The following WARS2 variants were observed in gnomAD, a reference collection of about 807,000 sequenced individuals.
WARS2 encodes the protein tryptophan--tRNA ligase, mitochondrial.
WARS2 carries 28 observed loss-of-function variants against 36.5 expected under a neutral mutation model. The observed-to-expected ratio is 0.77, with a 90% CI of 0.57 to 1.05. The LOEUF (loss-of-function observed/expected upper bound fraction) is 1.05. Among genes scored for constraint, WARS2 ranks in the 50% least tolerant of loss-of-function variants. The probability of loss-of-function intolerance (pLI) is 0.00; values close to 1 mark genes in which losing one functional copy is unlikely to be tolerated. For missense variants in WARS2, 435 were observed against 456.8 expected (o/e 0.95, Z 0.44); for synonymous variants, 174 against 178.4 (o/e 0.98, Z 0.20).
chr1:119,080,887 T>C (rs1652142485), intron 1 of WARS2, among the ~76,000 whole-genome samples: 1 of 152,204 alleles, frequency 6.6e-6, no homozygotes, highest in Non-Finnish European at 1.5e-5. Context: ...CCCACAGGCA[T>C]TCATTCAAGG....
intron 1 of WARS2, among the ~76,000 whole-genome samples, chr1:119,082,058 G>A (rs1652235167): frequency 6.6e-6 from 1 of 152,084 alleles, no homozygotes; most frequent in Admixed American, 6.6e-5. Flanking sequence ...ATAAGAGAAA[G>A]AAGGTCCTAC....
At chr1:119,090,099 C>G (rs1652938439) in intron 1 of WARS2, among the ~76,000 whole-genome samples, 1 of 151,554 alleles carries the variant, frequency 6.6e-6, no homozygotes, top group Admixed American at 6.6e-5. Flanking sequence ...CTCTGTATAT[C>G]CTGCACATGT....
chr1:119,129,484 A>AC (rs1655934833), intron 1 of WARS2, among the ~76,000 whole-genome samples: 1 of 152,144 alleles, frequency 6.6e-6, no homozygotes, highest in Non-Finnish European at 1.5e-5. Flanking sequence ...TGAGGCAGGA[A>AC]CACCATTTGA....
intron 1 of WARS2, chr1:119,139,631 G>A (rs896096878): frequency 1.3e-5 from 2 of 152,152 alleles, no homozygotes; most frequent in Non-Finnish European, 2.9e-5. Context: ...CAACACAACA[G>A]TTACAATAGG....
chr1:119,067,129 C>CG (rs558826086), intron 2 of WARS2, among the ~76,000 whole-genome samples: 2 of 151,942 alleles, frequency 1.3e-5, no homozygotes, highest in Admixed American at 6.5e-5. Flanking sequence ...ACATTGTACA[C>CG]AAAAAATAGA....
At chr1:119,053,773 C>T (rs571018733) in intron 2 of WARS2, among the ~76,000 whole-genome samples, 3 of 152,134 alleles carry the variant, frequency 2.0e-5, no homozygotes, top group South Asian at 2.1e-4. Flanking sequence ...AGGCCAGGTG[C>T]GGTGGCTCAC....
chr1:119,046,285 GTTTTT>G (rs71070781), intron 2 of WARS2, among the ~76,000 whole-genome samples: 7,767 of 101,656 alleles, frequency 0.076, 216 homozygotes, highest in East Asian at 0.19. Context: ...CTCCTTTTCT[GTTTTT>G]TTTTTTTTTT....
At chr1:119,048,832 G>A (rs2101143306) in intron 2 of WARS2, among the ~76,000 whole-genome samples, 1 of 152,196 alleles carries the variant, frequency 6.6e-6, no homozygotes, top group East Asian at 1.9e-4. Context: ...GGGAGGCCGA[G>A]GTGGGCGGAT....
At chr1:119,091,908 C>T (rs1027710523) in intron 1 of WARS2, among the ~76,000 whole-genome samples, 4 of 152,200 alleles carry the variant, frequency 2.6e-5, no homozygotes, top group Non-Finnish European at 4.4e-5. Flanking sequence ...GGCTGCAACA[C>T]TGATTAATGA....
chr1:119,100,860 A>C (rs2101455095), intron 1 of WARS2, among the ~76,000 whole-genome samples: 1 of 152,144 alleles, frequency 6.6e-6, no homozygotes, highest in South Asian at 2.1e-4. Flanking sequence ...TTGGTCTCGA[A>C]CTCCTGGGCT....
intron 1 of WARS2, among the ~76,000 whole-genome samples, chr1:119,099,654 A>C (rs1294447653): frequency 6.6e-6 from 1 of 152,234 alleles, no homozygotes; most frequent in Admixed American, 6.5e-5. Flanking sequence ...AATTATTTCA[A>C]CTTTCATTAG....
chr1:119,042,242 C>G, intron 4 of WARS2, 22 bp downstream of exon 4: 1 of 1,610,908 alleles, frequency 6.2e-7, no homozygotes, highest in Non-Finnish European at 8.5e-7. Flanking sequence ...ATGTATAAGA[C>G]TGGGCTGAAC....
intron 1 of WARS2, chr1:119,140,309 T>C (rs960564594): frequency 1.1e-5 from 4 of 372,370 alleles, no homozygotes; most frequent in African/African-American, 2.1e-5. Context: ...CTCCCAGAAC[T>C]GGAGGTGGCG....
intron 1 of WARS2, among the ~76,000 whole-genome samples, chr1:119,129,390 T>C (rs1655925143): frequency 6.6e-6 from 1 of 152,134 alleles, no homozygotes; most frequent in Non-Finnish European, 1.5e-5. Context: ...TAGACATAGA[T>C]TTACCAGAAA....
intron 2 of WARS2, among the ~76,000 whole-genome samples, chr1:119,046,285 G>GTTTTTT (rs71070781): frequency 2.0e-5 from 2 of 101,496 alleles, no homozygotes; most frequent in Non-Finnish European, 3.8e-5. Context: ...CTCCTTTTCT[G>GTTTTTT]TTTTTTTTTT....
intron 1 of WARS2, 150 bp downstream of exon 1, chr1:119,140,405 A>G (rs998603500): frequency 2.5e-5 from 15 of 599,722 alleles, no homozygotes; most frequent in East Asian, 6.3e-5. Context: ...CGCTCTGAGC[A>G]GGCCGACAGT....
intron 1 of WARS2, among the ~76,000 whole-genome samples, chr1:119,112,332 C>T (rs1047554326): frequency 1.3e-5 from 2 of 152,108 alleles, no homozygotes; most frequent in African/African-American, 4.8e-5. Flanking sequence ...GGCAGAGAAG[C>T]ATGGCAACAG....
chr1:119,040,429 T>G (rs1483679279), intron 4 of WARS2, among the ~76,000 whole-genome samples: 1 of 152,214 alleles, frequency 6.6e-6, no homozygotes, highest in African/African-American at 2.4e-5. Context: ...TCTTGAACTA[T>G]TAAGGAAACC....
At chr1:119,135,346 G>A (rs1656410478) in intron 1 of WARS2, among the ~76,000 whole-genome samples, 1 of 152,126 alleles carries the variant, frequency 6.6e-6, no homozygotes, top group South Asian at 2.1e-4. Context: ...AACAAGCAGG[G>A]CTAAAAATAC....
Sources: gnomAD v4.1 joint callset for allele counts (sites outside exome capture counted in the v4.1 genomes callset) on GRCh38, gnomAD v4.1.1 for gene constraint, MANE v1.5 for transcripts, NCBI Gene and HGNC (gene_info 2026-07-23, HGNC 2026-07-21) for gene names.